ERCC2: variants seen among roughly 807,000 people sequenced by gnomAD.
ERCC2 encodes ERCC excision repair 2, TFIIH core complex helicase subunit.
ERCC2 carries 90 observed loss-of-function variants against 99.4 expected under a neutral mutation model. That is an observed-to-expected ratio of 0.91 (90% CI 0.76 to 1.08). ERCC2 has a LOEUF of 1.08. ERCC2 is among the 50% of genes least tolerant of loss of function. The pLI is 0.00. For missense variants in ERCC2, 993 were observed against 1,038.1 expected (o/e 0.96, Z 0.60); for synonymous variants, 497 against 432.4 (o/e 1.15, Z -1.85).
chr19:45,362,456 G>A (rs983305019), intron 11 of ERCC2, among the ~76,000 whole-genome samples: 1 of 152,176 alleles, frequency 6.6e-6, no homozygotes, highest in African/African-American at 2.4e-5. Context: ...ACACACTCAC[G>A]CATGTGCAGG....
In ERCC2 at chr19:45,350,811, C is replaced by G. The variant is rs1277499688; in HGVS notation, c.*818G>C. The G allele has an allele frequency of 2.3e-6, 3 of 1,299,058 alleles. No homozygotes were observed. In the Admixed American group the frequency reaches 6.0e-5, roughly 26 times the overall value. The allele number at this position is 1,299,058 out of a possible 1,614,324, so 80.5% of individuals were successfully genotyped here. ...GCAGAATCCACAGCCCACCCCACCC[C>G]CACCCCCATCTTGCTCAAGAACCTT... On this transcript the variant is annotated 3_prime_UTR_variant, in exon 23 of 23. Coordinates refer to ENST00000391945, the MANE Select transcript of ERCC2 (RefSeq NM_000400.4).
intron 7 of ERCC2, 112 bp from the exon 8 acceptor site, chr19:45,364,659 C>A: frequency 6.6e-7 from 1 of 1,514,524 alleles, no homozygotes; most frequent in East Asian, 2.3e-5. Flanking sequence ...CAGACACAGG[C>A]CAGGCAGAAG....
intron 22 of ERCC2, 75 bp downstream of exon 22, chr19:45,352,134 G>C: frequency 6.6e-7 from 1 of 1,522,194 alleles, no homozygotes; most frequent in Non-Finnish European, 9.0e-7. Context: ...GGTGGGGAGT[G>C]GGGAGAATCC....
intron 7 of ERCC2, 78 bp downstream of exon 7, chr19:45,364,760 G>A (rs1972365291): frequency 2.3e-6 from 3 of 1,299,392 alleles, no homozygotes; most frequent in South Asian, 1.2e-5. Context: ...GCAACAGACA[G>A]ACATGGGCAG....
At chr19:45,365,833 C>T (rs1216801514) in intron 5 of ERCC2, among the ~76,000 whole-genome samples, 1 of 152,014 alleles carries the variant, frequency 6.6e-6, no homozygotes, top group Non-Finnish European at 1.5e-5. Context: ...CTTACAACTA[C>T]AAGTTATACA....
At chr19:45,359,946 T>G (rs1419670950) in intron 12 of ERCC2, among the ~76,000 whole-genome samples, 1 of 152,032 alleles carries the variant, frequency 6.6e-6, no homozygotes, top group Non-Finnish European at 1.5e-5. Flanking sequence ...AGCTAATTTT[T>G]GTATTTTTAG....
chr19:45,357,989 G>T, intron 12 of ERCC2: 1 of 522,490 alleles, frequency 1.9e-6, no homozygotes. Context: ...CGCATGGGCT[G>T]CCCAGCACCC....
In ERCC2 at chr19:45,369,079, T is replaced by C. The variant is rs1367987660; in HGVS notation, c.174A>G (p.Ala58=). 2 of 1,614,046 alleles carry C rather than the reference T, an allele frequency of 1.2e-6. No homozygotes were observed. Among genetic ancestry groups the C allele is most frequent in the Non-Finnish European group, 1.7e-6 (2 of 1,180,016 alleles). The change falls in exon 3 of 23, where the codon GCA becomes GCG. Residue 58 remains alanine, a synonymous_variant. Coordinates refer to ENST00000391945, the MANE Select transcript of ERCC2 (RefSeq NM_000400.4). Reference sequence around the variant, plus strand: ...TCAGCGCATCACTCACTCTCTGGTATGCCATGATCAGGGCCAACAGGGATA... The same window carrying C: ...TCAGCGCATCACTCACTCTCTGGTACGCCATGATCAGGGCCAACAGGGATA... ...KTVSLLALIM[A]YQRAYPLEVT...
rs767895008 is a variant in ERCC2 at position 45,364,839 on chromosome 19, G to A, written c.593C>T (p.Ser198Leu). The change falls in exon 7 of 23, where the codon TCA becomes TTA. Residue 198 changes from serine to leucine, a missense_variant and splice_region_variant. By Grantham distance (145) the Ser-to-Leu change is moderately radical. Coordinates refer to ENST00000391945, the MANE Select transcript of ERCC2 (RefSeq NM_000400.4). ...GWCPYFLARYSILHANVVVYS... is the reference protein window; with the variant it reads ...GWCPYFLARYLILHANVVVYS... ...TGCCCATCCCACCAGCCTCCTCACTGAGTATCGAGCAAGGAAGTATGGGCA... is the reference window on the plus strand; with the variant it reads ...TGCCCATCCCACCAGCCTCCTCACTAAGTATCGAGCAAGGAAGTATGGGCA... 5.0e-6 allele frequency: 8 copies of A among 1,607,184 alleles called. No homozygotes were observed. The highest frequency in any genetic ancestry group is 1.1e-5 in the South Asian group (1 of 90,886).
At chr19:45,368,263 C>T (rs1599749970) in intron 5 of ERCC2, among the ~76,000 whole-genome samples, 1 of 152,120 alleles carries the variant, frequency 6.6e-6, no homozygotes, top group African/African-American at 2.4e-5. Flanking sequence ...CATCAGCAAC[C>T]TTATGAAGCA....
At chr19:45,363,565 C>G (rs1175363491) in intron 11 of ERCC2, among the ~76,000 whole-genome samples, 178 bp downstream of exon 11, 1 of 152,210 alleles carries the variant, frequency 6.6e-6, no homozygotes, top group African/African-American at 2.4e-5. Flanking sequence ...GACCCAGGAT[C>G]AGCTCCAACC....
chr19:45,364,784 G>T, intron 7 of ERCC2, 54 bp downstream of exon 7: 1 of 1,413,914 alleles, frequency 7.1e-7, no homozygotes, highest in South Asian at 1.2e-5. Context: ...GGAGACGGGC[G>T]GGCAGCCCAC....
At chr19:45,361,338 T>A (rs1329165982) in intron 12 of ERCC2, among the ~76,000 whole-genome samples, 186 bp downstream of exon 12, 1 of 151,972 alleles carries the variant, frequency 6.6e-6, no homozygotes, top group African/African-American at 2.4e-5. Context: ...TGTGAAAATG[T>A]AAATCTGAGC....
At chr19:45,370,265 C>A in intron 1 of ERCC2, 33 bp from the exon 2 acceptor site, 1 of 1,608,516 alleles carries the variant, frequency 6.2e-7, no homozygotes, top group Non-Finnish European at 8.5e-7. Flanking sequence ...CAGTTCCCGT[C>A]CCCTCAGCCC....
chr19:45,361,718 C>G (rs750267293), intron 11 of ERCC2, 76 bp from the exon 12 acceptor site: 2 of 1,078,452 alleles, frequency 1.9e-6, no homozygotes, highest in South Asian at 2.5e-5. Context: ...TCCGCCATCA[C>G]GACGGTCACG....
intron 12 of ERCC2, among the ~76,000 whole-genome samples, chr19:45,360,755 G>A (rs1972191385): frequency 6.6e-6 from 1 of 152,072 alleles, no homozygotes; most frequent in Non-Finnish European, 1.5e-5. Context: ...CTGACCTCAG[G>A]TCATCTGCCT....
chr19:45,359,576 A>G (rs563400216), intron 12 of ERCC2, among the ~76,000 whole-genome samples: 1 of 152,196 alleles, frequency 6.6e-6, no homozygotes, highest in Admixed American at 6.5e-5. Flanking sequence ...GAAAATCTGA[A>G]CATCAGCCTC....
intron 17 of ERCC2, among the ~76,000 whole-genome samples, 196 bp downstream of exon 17, chr19:45,354,534 G>A (rs867252241): frequency 2.6e-5 from 4 of 152,188 alleles, no homozygotes; most frequent in African/African-American, 4.8e-5. Flanking sequence ...GCTTATATCT[G>A]CATTCTCAGC....
intron 11 of ERCC2, chr19:45,361,982 G>A: frequency 3.1e-6 from 1 of 324,480 alleles, no homozygotes; most frequent in South Asian, 2.6e-5. Context: ...TGTCATCCAG[G>A]CTGGAGAGCA....
Sources: gnomAD v4.1 joint callset for allele counts (sites outside exome capture counted in the v4.1 genomes callset) on GRCh38, gnomAD v4.1.1 for gene constraint, MANE v1.5 for transcripts, NCBI Gene and HGNC (gene_info 2026-07-23, HGNC 2026-07-21) for gene names.